The following ADGRV1 variants were observed in gnomAD, a reference collection of about 807,000 sequenced individuals.
The protein encoded by ADGRV1 is adhesion G protein-coupled receptor V1.
Under a neutral mutation model 596.2 loss-of-function variants are expected in ADGRV1, and 359 were observed. That is an observed-to-expected ratio of 0.60 (90% CI 0.55 to 0.66). ADGRV1 has a LOEUF of 0.66. ADGRV1 is among the 30% of genes least tolerant of loss of function. ADGRV1 has a pLI of 0.00. For missense variants in ADGRV1, 7,274 were observed against 7,575.6 expected (o/e 0.96, Z 1.48); for synonymous variants, 2,681 against 2,679.2 (o/e 1.00, Z -0.02).
intron 45 of ADGRV1, among the ~76,000 whole-genome samples, chr5:90,721,597 T>C (rs980976711): frequency 4.1e-5 from 4 of 97,610 alleles, no homozygotes; most frequent in African/African-American, 1.6e-4. Context: ...AAAATATGTA[T>C]TTAGTGCCTA....
Position 90,969,622 on chromosome 5 carries a change from A to G in ADGRV1, c.17973+4091A>G, listed in dbSNP as rs564878365. Among the ~76,000 whole-genome samples the G allele has an allele frequency of 7.2e-5, 11 of 152,328 alleles. No individual in the cohort carries two copies. In the East Asian group the frequency reaches 2.1e-3, roughly 29 times the overall value. ...ATTATTTTGCTTATTTTTTAAAAGG[A>G]AACAATTCATAAATTCCTTTCTTGG... is the stretch of plus-strand genomic sequence containing the variant. On this transcript the variant is annotated intron_variant, in intron 84 of 89. Transcript: ENST00000405460.
intron 1 of ADGRV1, among the ~76,000 whole-genome samples, chr5:90,590,022 G>A (rs1759269665): frequency 1.3e-5 from 2 of 151,718 alleles, no homozygotes; most frequent in African/African-American, 2.4e-5. Context: ...TTAACATGCT[G>A]CATCATGAAA....
At chr5:90,774,728 A>G (rs1162766041) in intron 60 of ADGRV1, among the ~76,000 whole-genome samples, 1 of 152,184 alleles carries the variant, frequency 6.6e-6, no homozygotes, top group Non-Finnish European at 1.5e-5. Flanking sequence ...GATAATTGTC[A>G]CGTTAAGAAA....
chr5:90,877,684 G>A (rs1264694794), intron 83 of ADGRV1, among the ~76,000 whole-genome samples: 1 of 150,834 alleles, frequency 6.6e-6, no homozygotes, highest in Non-Finnish European at 1.5e-5. Flanking sequence ...TAGTTTAAGT[G>A]AAGAGATAGG....
intron 85 of ADGRV1, among the ~76,000 whole-genome samples, chr5:90,986,274 A>G (rs984257481): frequency 6.6e-6 from 1 of 151,784 alleles, no homozygotes; most frequent in Non-Finnish European, 1.5e-5. Context: ...GTAGAATTCT[A>G]AATAAGAAAA....
intron 20 of ADGRV1, chr5:90,655,217 G>T (rs1215521067): frequency 6.6e-6 from 1 of 152,128 alleles, no homozygotes; most frequent in South Asian, 2.1e-4. Flanking sequence ...TCACCACCCT[G>T]CCTACTGACT....
chr5:91,007,445 T>G (rs1259001262), intron 85 of ADGRV1, among the ~76,000 whole-genome samples: 3 of 152,194 alleles, frequency 2.0e-5, no homozygotes, highest in African/African-American at 7.2e-5. Flanking sequence ...TCCATCCTGC[T>G]ACTGCCTCTT....
intron 21 of ADGRV1, among the ~76,000 whole-genome samples, chr5:90,672,133 A>G (rs1561498191): frequency 1.5e-5 from 2 of 133,910 alleles, no homozygotes; most frequent in Non-Finnish European, 3.5e-5. Flanking sequence ...CCCCCACCCC[A>G]TTTGGTCTGT....
intron 1 of ADGRV1, among the ~76,000 whole-genome samples, chr5:90,595,059 G>A (rs1205316747): frequency 3.5e-5 from 5 of 141,324 alleles, no homozygotes; most frequent in African/African-American, 8.4e-5. Context: ...CAGTAGGGGC[G>A]GCCGGGCAGA....
intron 83 of ADGRV1, among the ~76,000 whole-genome samples, chr5:90,875,158 A>G (rs1235538379): frequency 6.6e-6 from 1 of 152,136 alleles, no homozygotes; most frequent in Non-Finnish European, 1.5e-5. Flanking sequence ...TCACCACTGC[A>G]CTCTAGCCTG....
At chr5:90,919,680 T>G (rs1240550744) in intron 83 of ADGRV1, among the ~76,000 whole-genome samples, 1 of 152,130 alleles carries the variant, frequency 6.6e-6, no homozygotes, top group Non-Finnish European at 1.5e-5. Context: ...ATTAAATGTA[T>G]GTACTACTAG....
chr5:90,675,346 A>C lies in ADGRV1; in HGVS notation c.5214A>C (p.Glu1738Asp). 1 of 1,613,904 alleles carries C rather than the reference A, an allele frequency of 6.2e-7. No individual in the cohort carries two copies. Among genetic ancestry groups the C allele is most frequent in the Non-Finnish European group, 8.5e-7 (1 of 1,179,864 alleles). The change falls in exon 24 of 90, where the codon GAA becomes GAC. Residue 1738 changes from glutamate to aspartate, a missense_variant. This residue lies in a region of ADGRV1 where 3,643 missense variants were observed against 3,809.2 expected (regional missense o/e 0.96). Coordinates refer to ENST00000405460, the MANE Select transcript of ADGRV1 (RefSeq NM_032119.4). ...PHITVEEEDG[E>D]IRLLVIRAQG... The stretch of plus-strand genomic sequence containing the variant: ...TCACTGTGGAGGAGGAAGATGGAGA[A>C]ATCAGGTTATTGGTCATCCGTGCAC...
At chr5:90,822,155 T>G (rs1402012464) in intron 75 of ADGRV1, 3 of 155,330 alleles carry the variant, frequency 1.9e-5, no homozygotes, top group African/African-American at 7.2e-5. Flanking sequence ...AAGCGCAATA[T>G]TTGGGTGGGA....
At chr5:90,665,550 CT>C (rs1771194830) in intron 21 of ADGRV1, among the ~76,000 whole-genome samples, 1 of 151,036 alleles carries the variant, frequency 6.6e-6, no homozygotes, top group South Asian at 2.1e-4. Context: ...TTTGTCGATC[CT>C]TTCAAAAAAC....
chr5:91,096,795 A>G (rs975614969), intron 86 of ADGRV1, among the ~76,000 whole-genome samples: 4 of 152,192 alleles, frequency 2.6e-5, no homozygotes, highest in African/African-American at 9.7e-5. Flanking sequence ...ATGTTGTGCA[A>G]CTGTCACCAC....
rs543039650 is a variant in ADGRV1 at position 91,006,748 on chromosome 5, G to A, written c.18152+21226G>A. 2.1e-4 allele frequency among the ~76,000 whole-genome samples: 32 copies of A among 151,202 alleles called. 1 individual carries two copies. The highest frequency in any genetic ancestry group is 4.2e-4 in the South Asian group (2 of 4,774). ...TAAGCATTTATAATTTAATATACTA[G>A]ATATCTTTCTGATAAAAAGAGAAAT... On this transcript the variant is annotated intron_variant, in intron 85 of 89. Transcript: ENST00000405460.
At chr5:90,612,586 A>G (rs1561382290) in intron 1 of ADGRV1, among the ~76,000 whole-genome samples, 1 of 152,024 alleles carries the variant, frequency 6.6e-6, no homozygotes, top group African/African-American at 2.4e-5. Context: ...TACTAATGCT[A>G]TGCTCGCCTT....
chr5:90,942,659 T>G (rs1776256331), intron 83 of ADGRV1, among the ~76,000 whole-genome samples: 1 of 152,168 alleles, frequency 6.6e-6, no homozygotes, highest in South Asian at 2.1e-4. Context: ...ATATGTGCCC[T>G]AAGAGGAAGC....
rs1340705529 is a variant in ADGRV1 at position 90,711,340 on chromosome 5, T to C, written c.9042+18T>C. The C allele has an allele frequency of 6.4e-7, 1 of 1,574,742 alleles. No individual in the cohort carries two copies. Among genetic ancestry groups the C allele is most frequent in the Non-Finnish European group, 8.6e-7 (1 of 1,160,494 alleles). On this transcript the variant is annotated intron_variant, in intron 41 of 89. Coordinates refer to ENST00000405460, the MANE Select transcript of ADGRV1 (RefSeq NM_032119.4). ...CCCCAATGGTGGGTCTCAAAATCTA[T>C]CACAGATGACTTTTACAAATTATTT...
Sources: allele counts gnomAD v4.1 joint callset (sites outside exome capture counted in the v4.1 genomes callset), GRCh38; gene constraint gnomAD v4.1.1; regional missense constraint gnomAD v4.1.1; transcripts MANE v1.5; gene names NCBI Gene and HGNC (gene_info 2026-07-23, HGNC 2026-07-21).